B3GALT1: variants seen among roughly 807,000 people sequenced by gnomAD.
B3GALT1 encodes beta-1,3-galactosyltransferase 1.
B3GALT1 carries 10 observed loss-of-function variants against 23.2 expected under a neutral mutation model. The ratio of observed to expected loss-of-function variants is 0.43; its 90% CI spans 0.27 to 0.73. The LOEUF (loss-of-function observed/expected upper bound fraction) is 0.73. Among genes scored for constraint, B3GALT1 ranks in the 30% least tolerant of loss-of-function variants. The pLI, the probability that B3GALT1 is intolerant of heterozygous loss-of-function variation, is 0.21. For synonymous variants in B3GALT1, 156 were observed against 141.5 expected, an observed-to-expected ratio of 1.10 and a Z score of -0.73; for missense variants, 299 against 405.4, an observed-to-expected ratio of 0.74 and a Z score of 2.25.
At chr2:167,582,295 G>T in intron 2 of B3GALT1, among the ~76,000 whole-genome samples, 1 of 152,202 alleles carries the variant, frequency 6.6e-6, no homozygotes, top group Non-Finnish European at 1.5e-5. Context: ...ACGGAGTGTT[G>T]TTGTCTGCCT....
chr2:167,715,686 A>C (rs1198963768), intron 3 of B3GALT1: 3 of 1,613,256 alleles, frequency 1.9e-6, no homozygotes, highest in Non-Finnish European at 2.5e-6. Flanking sequence ...GTTGCCTCCA[A>C]ACTTCGTGCT....
At chr2:167,325,390 G>C (rs1162973543) in intron 1 of B3GALT1, among the ~76,000 whole-genome samples, 3 of 152,010 alleles carry the variant, frequency 2.0e-5, no homozygotes, top group Non-Finnish European at 4.4e-5. Context: ...AGAAAGCAAA[G>C]CTGGAGGAGG....
chr2:167,379,008 T>C (rs1315052033), intron 1 of B3GALT1, among the ~76,000 whole-genome samples: 1 of 152,162 alleles, frequency 6.6e-6, no homozygotes. Context: ...CCTGTAATAG[T>C]CTGTTTTCAC....
chr2:167,440,437 A>G (rs188487657), intron 1 of B3GALT1, among the ~76,000 whole-genome samples: 158 of 152,162 alleles, frequency 1.0e-3, no homozygotes, highest in African/African-American at 3.6e-3. Context: ...ATGACTTCCA[A>G]ATACTGATTT....
At chr2:167,352,031 C>T (rs1251578722) in intron 1 of B3GALT1, among the ~76,000 whole-genome samples, 1 of 147,234 alleles carries the variant, frequency 6.8e-6, no homozygotes, top group Non-Finnish European at 1.5e-5. Flanking sequence ...ACGATCTTGG[C>T]TCACTGCAAC....
chr2:167,732,426 C>A (rs745757184), intron 3 of B3GALT1, among the ~76,000 whole-genome samples: 2 of 152,200 alleles, frequency 1.3e-5, no homozygotes, highest in Non-Finnish European at 2.9e-5. Flanking sequence ...TTTAAACCTT[C>A]AGCAGATGGC....
chr2:167,798,964 C>T (rs1444771099), intron 3 of B3GALT1, among the ~76,000 whole-genome samples: 1 of 152,156 alleles, frequency 6.6e-6, no homozygotes, highest in Non-Finnish European at 1.5e-5. Flanking sequence ...GTAGATACCA[C>T]AATATGTGAC....
rs1559011351 is a variant in B3GALT1, at chr2:167,873,248, TG to T, written c.*3230del. The stretch of plus-strand genomic sequence containing the variant: ...AAGTTCCTTTTTTTAATTTACTTTT[TG>T]GAAAAACGTTTCTCTTTGGTGGCTA... On this transcript the variant is annotated 3_prime_UTR_variant, in exon 5 of 5. Coordinates refer to ENST00000392690, the MANE Select transcript of B3GALT1 (RefSeq NM_020981.4). The T allele has an allele frequency of 3.3e-5, 5 of 152,228 alleles. No individual in the cohort carries two copies. The highest frequency in any genetic ancestry group is 2.9e-5 in the Non-Finnish European group (2 of 68,036). The allele number at this position is 152,228 out of a possible 1,614,324, so 9.4% of individuals were successfully genotyped here. A position where few individuals can be genotyped will look rare whatever the true frequency, so the allele number is the denominator to read the frequency against.
chr2:167,497,467 A>C (rs781040645), intron 2 of B3GALT1, among the ~76,000 whole-genome samples: 8 of 152,212 alleles, frequency 5.3e-5, no homozygotes, highest in Non-Finnish European at 7.3e-5. Flanking sequence ...CAAGATGCTC[A>C]ATTGTACCGA....
intron 2 of B3GALT1, among the ~76,000 whole-genome samples, chr2:167,509,547 T>A (rs1699972160): frequency 6.6e-6 from 1 of 152,120 alleles, no homozygotes. Context: ...GGAGGTAGAA[T>A]TGCAATTTTA....
At chr2:167,376,437 A>G (rs548437868) in intron 1 of B3GALT1, among the ~76,000 whole-genome samples, 13 of 152,222 alleles carry the variant, frequency 8.5e-5, no homozygotes, top group Non-Finnish European at 1.8e-4. Flanking sequence ...TTCTTTGTGC[A>G]TCTGGTACAA....
At chr2:167,394,277 C>T (rs1364788811) in intron 1 of B3GALT1, among the ~76,000 whole-genome samples, 5 of 152,106 alleles carry the variant, frequency 3.3e-5, no homozygotes, top group East Asian at 1.9e-4. Flanking sequence ...AAACACTCTT[C>T]GTTTTCTATA....
chr2:167,816,529 A>ATGAC (rs989658131), intron 3 of B3GALT1, among the ~76,000 whole-genome samples: 4 of 151,954 alleles, frequency 2.6e-5, no homozygotes, highest in African/African-American at 9.7e-5. Flanking sequence ...GGTCTGTCTC[A>ATGAC]TGACAGCATT....
In B3GALT1 at chr2:167,324,287, A is replaced by T. The variant is rs919685967; in HGVS notation, c.-511+30953A>T. Among the ~76,000 whole-genome samples, 11 of 151,980 alleles carry T rather than the reference A, an allele frequency of 7.2e-5. No homozygotes were observed. The East Asian group carries it at 2.0e-3, about 27-fold the overall frequency. ...AGCTTAATAGTTGAAATTTATAATAATATTTATTTAAAATTTTCCAGGTAT... is the reference window on the plus strand; with the variant it reads ...AGCTTAATAGTTGAAATTTATAATATTATTTATTTAAAATTTTCCAGGTAT... On this transcript the variant is annotated intron_variant, in intron 1 of 4. Coordinates refer to ENST00000392690, the MANE Select transcript of B3GALT1 (RefSeq NM_020981.4).
At chr2:167,329,562 G>T (rs912225556) in intron 1 of B3GALT1, among the ~76,000 whole-genome samples, 2 of 152,098 alleles carry the variant, frequency 1.3e-5, no homozygotes, top group African/African-American at 4.8e-5. Context: ...CTGTCTTGAG[G>T]TTGAAGTTCC....
At chr2:167,853,186 A>G (rs1689936630) in intron 4 of B3GALT1, among the ~76,000 whole-genome samples, 1 of 152,170 alleles carries the variant, frequency 6.6e-6, no homozygotes, top group South Asian at 2.1e-4. Flanking sequence ...CTCCCTTCGC[A>G]TTCTCAGTTT....
intron 2 of B3GALT1, among the ~76,000 whole-genome samples, chr2:167,556,622 T>C (rs2105384579): frequency 6.6e-6 from 1 of 152,288 alleles, no homozygotes; most frequent in Non-Finnish European, 1.5e-5. Context: ...TTTATTAAAA[T>C]CTAGAGCTAA....
chr2:167,446,262 G>T (rs1469510387), intron 1 of B3GALT1, among the ~76,000 whole-genome samples: 1 of 152,138 alleles, frequency 6.6e-6, no homozygotes, highest in Non-Finnish European at 1.5e-5. Flanking sequence ...TCCCTTTGTG[G>T]GTAACCTGAC....
At chr2:167,759,119 C>T (rs1385246088) in intron 3 of B3GALT1, among the ~76,000 whole-genome samples, 4 of 152,158 alleles carry the variant, frequency 2.6e-5, no homozygotes, top group East Asian at 1.9e-4. Context: ...CTGTGCAAGA[C>T]GTAGAGGAGA....
Sources: gnomAD v4.1 joint callset for allele counts (sites outside exome capture counted in the v4.1 genomes callset) on GRCh38, gnomAD v4.1.1 for gene constraint, MANE v1.5 for transcripts, NCBI Gene and HGNC (gene_info 2026-07-23, HGNC 2026-07-21) for gene names.